CPZ: variants seen among roughly 807,000 people sequenced by gnomAD.
CPZ encodes the protein carboxypeptidase Z.
CPZ carries 103 observed loss-of-function variants against 61.8 expected under a neutral mutation model. The observed-to-expected ratio is 1.67, with a 90% confidence interval of 1.42 to 1.96. The LOEUF (loss-of-function observed/expected upper bound fraction) is 1.96, where lower values mean the gene tolerates loss of function less well. Ranked by LOEUF, CPZ falls within the 30% of genes most tolerant of loss-of-function variation. The pLI is 0.00. For synonymous variants in CPZ, 551 were observed against 373.7 expected, an observed-to-expected ratio of 1.47 and a Z score of -5.47; for missense variants, 1,461 against 914.9, an observed-to-expected ratio of 1.60 and a Z score of -7.70.
At chr4:8,605,358 T>G (rs373018347) in intron 4 of CPZ, among the ~76,000 whole-genome samples, 2 of 26,622 alleles carry the variant, frequency 7.5e-5, no homozygotes, top group Non-Finnish European at 1.4e-4. Flanking sequence ...ATTTATTCAT[T>G]CAGCCATTAC....
rs1716514489 is a variant in CPZ at position 8,619,590 on chromosome 4, C to G, written c.1932C>G (p.His644Gln). Residue 644 changes from histidine to glutamine, a missense_variant, in exon 11 of 11, where the codon CAC (histidine) becomes CAG (glutamine). Physicochemically the swap from His to Gln is conservative, Grantham distance 24 (BLOSUM62 0). Transcript: ENST00000360986. Reference sequence around the variant, plus strand: ...CCTACTTCACATCGCTGAGCACCCACAGGCCACGCTGGCTGCTCAAGTACT... The same window carrying G: ...CCTACTTCACATCGCTGAGCACCCAGAGGCCACGCTGGCTGCTCAAGTACT... ...WWSYFTSLST[H>Q]RPRWLLKY is the part of the protein sequence containing the mutation. 1 of 1,516,962 alleles carries G rather than the reference C, an allele frequency of 6.6e-7. No individual in the cohort carries two copies. Among genetic ancestry groups the G allele is most frequent in the Non-Finnish European group, 8.8e-7 (1 of 1,132,638 alleles). The allele number at this position is 1,516,962 out of a possible 1,614,324, so 94.0% of individuals were successfully genotyped here.
At chr4:8,597,109 C>T (rs1369610622) in intron 1 of CPZ, among the ~76,000 whole-genome samples, 5 of 152,154 alleles carry the variant, frequency 3.3e-5, no homozygotes, top group African/African-American at 7.2e-5. Context: ...GCATCTGCCT[C>T]GGTCCAAGCT....
At chr4:8,609,187 TTCAC>T (rs1166678075) in intron 7 of CPZ, among the ~76,000 whole-genome samples, 54 of 110,564 alleles carry the variant, frequency 4.9e-4, no homozygotes, top group Middle Eastern at 0.01. Context: ...CACTCAGGCA[TTCAC>T]TCACTCCCTC....
intron 7 of CPZ, among the ~76,000 whole-genome samples, chr4:8,607,645 G>T (rs1278290827): frequency 2.0e-5 from 3 of 152,194 alleles, no homozygotes; most frequent in Non-Finnish European, 4.4e-5. Context: ...ATCTCCCCGA[G>T]GCTGGCTGCA....
chr4:8,604,016 G>T lies in CPZ; in HGVS notation c.537G>T (p.Pro179=), dbSNP rs144977910. 3 of 1,612,020 alleles carry T rather than the reference G, an allele frequency of 1.9e-6. No homozygotes were observed. Among genetic ancestry groups the T allele is most frequent in the Middle Eastern group, 1.7e-4 (1 of 6,054 alleles). The stretch of plus-strand genomic sequence containing the variant: ...ACGAGGCACTGCCCTCAGGGCTGCC[G>T]CCCACCTTCATCCGCTTCAGCCACC... ...EADEALPSGL[P]PTFIRFSHHS... is the part of the protein sequence containing the mutation. Residue 179 remains proline (P), a synonymous_variant, in exon 4 of 11, where the codon CCG becomes CCT. Transcript: ENST00000360986.
At position 8,618,544 on chromosome 4, in the gene CPZ, G is replaced by T; in HGVS notation, c.1603+16G>T. The T allele has an allele frequency of 6.2e-7, 1 of 1,610,284 alleles. No individual in the cohort carries two copies. The highest frequency in any genetic ancestry group is 8.5e-7 in the Non-Finnish European group (1 of 1,178,942). ...ATCACCACAGGTGAGCACGTCCCTG[G>T]CTGTCCCCTGGGGACCACGTCTGCC... On this transcript the variant is annotated intron_variant, in intron 10 of 10. Coordinates refer to ENST00000360986, the MANE Select transcript of CPZ (RefSeq NM_001014447.3).
intron 8 of CPZ, among the ~76,000 whole-genome samples, chr4:8,613,012 C>T (rs1290709225): frequency 3.3e-5 from 5 of 152,192 alleles, no homozygotes; most frequent in Admixed American, 1.3e-4. Flanking sequence ...TTCCCTGGTG[C>T]GGCGCAGCCT....
chr4:8,615,539 A>G (rs1365405927), intron 9 of CPZ, among the ~76,000 whole-genome samples: 1 of 152,246 alleles, frequency 6.6e-6, no homozygotes, highest in African/African-American at 2.4e-5. Flanking sequence ...GCAGCACCGT[A>G]CAGTTGGCGC....
chr4:8,611,216 CTCATGCAGGGTGAG>C (rs1373416469), intron 7 of CPZ: 1 of 456,144 alleles, frequency 2.2e-6, no homozygotes, highest in African/African-American at 2.0e-5. Context: ...CCCTGATGAG[CTCATGCAGGGTGAG>C]CCCTTCGCCT....
intron 10 of CPZ, among the ~76,000 whole-genome samples, chr4:8,618,822 C>T (rs1012888362): frequency 2.4e-4 from 37 of 152,244 alleles, no homozygotes; most frequent in African/African-American, 8.9e-4. Context: ...GAGCCACCTC[C>T]ACCCCTAAGC....
intron 7 of CPZ, among the ~76,000 whole-genome samples, chr4:8,607,970 G>A (rs1251144022): frequency 6.6e-6 from 1 of 152,164 alleles, no homozygotes; most frequent in Non-Finnish European, 1.5e-5. Context: ...CCTACTGTTC[G>A]TAGAGCAGCG....
At chr4:8,612,594 G>A (rs566591981) in intron 8 of CPZ, among the ~76,000 whole-genome samples, 2 of 152,344 alleles carry the variant, frequency 1.3e-5, no homozygotes, top group Middle Eastern at 3.4e-3. Context: ...GGGGTGGACT[G>A]ATACTACAAT....
intron 7 of CPZ, among the ~76,000 whole-genome samples, chr4:8,609,171 C>CT (rs879888328): frequency 0.29 from 18,334 of 63,024 alleles, 1,402 homozygotes; most frequent in South Asian, 0.42. Flanking sequence ...CATTCACTCA[C>CT]CCATTCACTC....
intron 8 of CPZ, 63 bp from the exon 9 acceptor site, chr4:8,614,294 CCT>C (rs1346409637): frequency 3.3e-6 from 5 of 1,519,454 alleles, no homozygotes; most frequent in Admixed American, 1.8e-5. Flanking sequence ...GGCTGACACC[CCT>C]GACGTCCCGG....
At chr4:8,593,216 A>G (rs915184363) in intron 1 of CPZ, among the ~76,000 whole-genome samples, 1 of 152,148 alleles carries the variant, frequency 6.6e-6, no homozygotes, top group African/African-American at 2.4e-5. Context: ...ACACAGCAGC[A>G]GGGGCGCCCT....
At chr4:8,598,844 T>A (rs1378154435) in intron 1 of CPZ, among the ~76,000 whole-genome samples, 2 of 152,170 alleles carry the variant, frequency 1.3e-5, no homozygotes, top group Non-Finnish European at 2.9e-5. Context: ...ACCCCACGAT[T>A]GTGAGGATGG....
At chr4:8,612,860 G>A (rs936691972) in intron 8 of CPZ, among the ~76,000 whole-genome samples, 6 of 152,354 alleles carry the variant, frequency 3.9e-5, no homozygotes, top group East Asian at 3.9e-4. Flanking sequence ...GGCAGAGCCA[G>A]GACCCACGTG....
At chr4:8,610,452 T>TAGGGCAGGG (rs1211209526) in intron 7 of CPZ, among the ~76,000 whole-genome samples, 2 of 152,028 alleles carry the variant, frequency 1.3e-5, no homozygotes, top group Non-Finnish European at 2.9e-5. Flanking sequence ...GGAGGGACTG[T>TAGGGCAGGG]AGGGCAGGGA....
chr4:8,596,080 G>GTC (rs144345800), intron 1 of CPZ, among the ~76,000 whole-genome samples: 55,198 of 150,698 alleles, frequency 0.37, 11,015 homozygotes, highest in African/African-American at 0.52. Flanking sequence ...TCAAGATAGA[G>GTC]TCTCTCTGTC....
Sources: gnomAD v4.1 joint callset for allele counts (sites outside exome capture counted in the v4.1 genomes callset) on GRCh38, gnomAD v4.1.1 for gene constraint, MANE v1.5 for transcripts, NCBI Gene and HGNC (gene_info 2026-07-23, HGNC 2026-07-21) for gene names.